TYW3: variants seen among roughly 807,000 people sequenced by gnomAD.
TYW3 encodes the protein tRNA wybutosine-synthesizing protein 3 homolog.
A neutral mutation model predicts 23.1 loss-of-function variants in TYW3; 26 were observed. The observed-to-expected ratio is 1.13, with a 90% CI of 0.83 to 1.56. TYW3 has a LOEUF of 1.56. Among genes scored for constraint, TYW3 ranks in the 40% most tolerant of loss-of-function variants. The pLI is 0.00. For missense variants in TYW3, 316 were observed against 311.9 expected, an observed-to-expected ratio of 1.01 and a Z score of -0.10; for synonymous variants, 102 against 105.7, an observed-to-expected ratio of 0.97 and a Z score of 0.21.
At chr1:74,762,013 A>G (rs762347059) in intron 5 of TYW3, among the ~76,000 whole-genome samples, 7 of 152,108 alleles carry the variant, frequency 4.6e-5, no homozygotes, top group Non-Finnish European at 1.0e-4. Flanking sequence ...CCAAAAAGTT[A>G]TGTATGTCAC....
At position 74,752,376 on chromosome 1, in the gene TYW3, TTAA is replaced by T; in HGVS notation, c.512_514del (p.Leu171_Asn172delinsTyr). ...GACAGAGGAATATATTGACTTCCTG[TTAA>T]ATGTGGCAAATCAAAAAATGGAGGA... On this transcript the variant is annotated inframe_deletion, in exon 5 of 6. Transcript: ENST00000370867. 4.3e-6 allele frequency: 7 copies of T among 1,613,604 alleles called. No homozygotes were observed. Among genetic ancestry groups the T allele is most frequent in the Non-Finnish European group, 5.9e-6 (7 of 1,179,800 alleles).
Position 74,763,346 on chromosome 1 carries a change from G to T in TYW3, c.561-548G>T, listed in dbSNP as rs1016842818. Among the ~76,000 whole-genome samples, 3 of 151,890 alleles carry T rather than the reference G, an allele frequency of 2.0e-5. No homozygotes were observed. In the East Asian group the frequency reaches 5.8e-4, roughly 29 times the overall value. ...AGGGAAAATTTGAATGTAAATAAAGGCCAATCTAGATGACATAATGTTGTA... is the reference window on the plus strand; with the variant it reads ...AGGGAAAATTTGAATGTAAATAAAGTCCAATCTAGATGACATAATGTTGTA... On this transcript the variant is annotated intron_variant, in intron 5 of 5. Coordinates refer to ENST00000370867, the MANE Select transcript of TYW3 (RefSeq NM_138467.3).
At chr1:74,750,094 C>G (rs1362989236) in intron 4 of TYW3, 1 of 152,284 alleles carries the variant, frequency 6.6e-6, no homozygotes, top group Non-Finnish European at 1.5e-5. Context: ...CGTTATAGGT[C>G]CTATCCATGC....
chr1:74,748,795 G>T lies in TYW3; in HGVS notation c.399G>T (p.Thr133=). ...CTGGTTTCAGGAACTCTGGCATAAC[G>T]GTGGGAAAGAGAGGAAAAACTATGT... The part of the protein sequence containing the change: ...IDSGFRNSGI[T]VGKRGKTMLA... Residue 133 remains threonine (T), a synonymous_variant, in exon 4 of 6, where the codon ACG becomes ACT. Transcript: ENST00000370867. 3 of 1,613,988 alleles carry T rather than the reference G, an allele frequency of 1.9e-6. No individual in the cohort carries two copies. In the Admixed American group the frequency reaches 5.0e-5, roughly 27 times the overall value.
chr1:74,756,034 T>C (rs1446532552), intron 5 of TYW3, among the ~76,000 whole-genome samples: 1 of 152,214 alleles, frequency 6.6e-6, no homozygotes, highest in African/African-American at 2.4e-5. Context: ...TTCACTTGCC[T>C]GCTGCCATGT....
intron 3 of TYW3, among the ~76,000 whole-genome samples, chr1:74,743,633 A>G (rs1407236011): frequency 2.0e-5 from 3 of 152,156 alleles, no homozygotes; most frequent in African/African-American, 4.8e-5. Flanking sequence ...CTTCTAGAAC[A>G]CATGTCAACA....
intron 3 of TYW3, among the ~76,000 whole-genome samples, chr1:74,739,614 T>C (rs1648281498): frequency 6.6e-6 from 1 of 152,200 alleles, no homozygotes; most frequent in African/African-American, 2.4e-5. Flanking sequence ...AGAAGGAGGC[T>C]GGGGCCAGGT....
intron 5 of TYW3, among the ~76,000 whole-genome samples, chr1:74,756,645 G>A (rs1257480236): frequency 6.6e-6 from 1 of 152,190 alleles, no homozygotes. Context: ...TTGAAAACTT[G>A]CAGCATGACA....
intron 3 of TYW3, among the ~76,000 whole-genome samples, chr1:74,743,328 T>C (rs1232286080): frequency 3.3e-5 from 5 of 152,152 alleles, no homozygotes; most frequent in Non-Finnish European, 7.4e-5. Context: ...TTTGGGCCTG[T>C]TCCTCTTGGT....
intron 3 of TYW3, among the ~76,000 whole-genome samples, chr1:74,747,158 A>G (rs1331538171): frequency 2.6e-5 from 4 of 152,166 alleles, no homozygotes; most frequent in Non-Finnish European, 1.5e-5. Context: ...GAAGTTAAGG[A>G]GAGAGGTGAT....
At chr1:74,760,631 G>A (rs774353309) in intron 5 of TYW3, among the ~76,000 whole-genome samples, 1 of 152,182 alleles carries the variant, frequency 6.6e-6, no homozygotes, top group African/African-American at 2.4e-5. Context: ...TGTAGCTCCT[G>A]TTAAACCATG....
intron 3 of TYW3, among the ~76,000 whole-genome samples, chr1:74,739,820 T>A (rs915324651): frequency 5.9e-5 from 9 of 152,104 alleles, no homozygotes; most frequent in Non-Finnish European, 1.2e-4. Flanking sequence ...TGGTGATAGG[T>A]TGGTGTAAGG....
chr1:74,747,890 CATATACACACAT>C lies in TYW3; in HGVS notation c.355-850_355-839del, dbSNP rs564169290. Reference sequence around the variant, plus strand: ...ACATACACATACACACACATATACACATATACACACATATATACACACGTATATACATATATA... The same window carrying C: ...ACATACACATACACACACATATACACATATACACACGTATATACATATATA... On this transcript the variant is annotated intron_variant, in intron 3 of 5. Coordinates refer to ENST00000370867, the MANE Select transcript of TYW3 (RefSeq NM_138467.3). Among the ~76,000 whole-genome samples, 907 of 151,578 alleles carry C rather than the reference CATATACACACAT, an allele frequency of 6.0e-3. 11 individuals are homozygous for C. The highest frequency in any genetic ancestry group is 0.021 in the African/African-American group (851 of 41,328).
chr1:74,754,428 G>A (rs1026868585), intron 5 of TYW3, among the ~76,000 whole-genome samples: 1 of 152,196 alleles, frequency 6.6e-6, no homozygotes, highest in African/African-American at 2.4e-5. Flanking sequence ...AAGATTACAT[G>A]TGAATTTAGA....
chr1:74,745,346 TC>T (rs1648522102), intron 3 of TYW3, among the ~76,000 whole-genome samples: 1 of 152,190 alleles, frequency 6.6e-6, no homozygotes, highest in South Asian at 2.1e-4. Context: ...CCCACCCACA[TC>T]CTGCTGATTG....
rs1455624159 is a variant in TYW3, at chr1:74,766,167, A to C, written c.*2054A>C. The C allele has an allele frequency of 6.6e-6, 1 of 152,032 alleles. No individual in the cohort carries two copies. The highest frequency in any genetic ancestry group is 6.6e-5 in the Admixed American group (1 of 15,234). The allele number at this position is 152,032 out of a possible 1,614,324, so 9.4% of individuals were successfully genotyped here. ...TGACAGTCATATAAAAGTATGGTAC[A>C]TATAATTATGTACAGTGCATACATA... is the stretch of plus-strand genomic sequence containing the variant. On this transcript the variant is annotated 3_prime_UTR_variant, in exon 6 of 6. Transcript: ENST00000370867.
At chr1:74,756,388 C>A (rs1177027683) in intron 5 of TYW3, among the ~76,000 whole-genome samples, 1 of 152,102 alleles carries the variant, frequency 6.6e-6, no homozygotes, top group East Asian at 1.9e-4. Flanking sequence ...ACAAGGAAAT[C>A]CAGGCTGATG....
At chr1:74,753,464 T>G (rs1648858197) in intron 5 of TYW3, among the ~76,000 whole-genome samples, 1 of 152,210 alleles carries the variant, frequency 6.6e-6, no homozygotes, top group African/African-American at 2.4e-5. Context: ...GGCCAACAAG[T>G]GCTAGTGGTG....
At chr1:74,745,771 T>A (rs1217744525) in intron 3 of TYW3, among the ~76,000 whole-genome samples, 1 of 152,202 alleles carries the variant, frequency 6.6e-6, no homozygotes, top group Non-Finnish European at 1.5e-5. Context: ...CAACAGAAAT[T>A]TATTTTTCTC....
Sources: gnomAD v4.1 joint callset for allele counts (sites outside exome capture counted in the v4.1 genomes callset) on GRCh38, gnomAD v4.1.1 for gene constraint, MANE v1.5 for transcripts, NCBI Gene and HGNC (gene_info 2026-07-23, HGNC 2026-07-21) for gene names.